CDK17: variants seen among roughly 807,000 people sequenced by gnomAD.
The protein encoded by CDK17 is cyclin dependent kinase 17, also known as cyclin-dependent kinase 17.
CDK17 carries 24 observed loss-of-function variants against 77.6 expected under a neutral mutation model. The ratio of observed to expected loss-of-function variants is 0.31; its 90% CI spans 0.22 to 0.44. The LOEUF is 0.44. Ranked by LOEUF, CDK17 falls within the 20% of genes least tolerant of loss-of-function variation. CDK17 has a pLI of 1.00. For synonymous variants in CDK17, 203 were observed against 210.4 expected (o/e 0.96, Z 0.30); for missense variants, 429 against 622.5 (o/e 0.69, Z 3.31).
intron 1 of CDK17, among the ~76,000 whole-genome samples, chr12:96,344,991 C>T (rs74919242): frequency 0.043 from 6,593 of 152,126 alleles, 494 homozygotes; most frequent in African/African-American, 0.15. Flanking sequence ...TGCCCTCCTC[C>T]GACAGGCCTC....
At chr12:96,292,571 C>G (rs1952339753) in intron 10 of CDK17, among the ~76,000 whole-genome samples, 1 of 152,072 alleles carries the variant, frequency 6.6e-6, no homozygotes, top group African/African-American at 2.4e-5. Flanking sequence ...CACCACTAGA[C>G]TTCAGCCAGG....
At chr12:96,283,994 T>C (rs959018412) in intron 13 of CDK17, among the ~76,000 whole-genome samples, 1 of 152,192 alleles carries the variant, frequency 6.6e-6, no homozygotes, top group Non-Finnish European at 1.5e-5. Flanking sequence ...CGCAAGTATA[T>C]AAGAGCATCA....
chr12:96,292,024 AGAGT>A (rs2137074356), intron 10 of CDK17, among the ~76,000 whole-genome samples: 1 of 152,294 alleles, frequency 6.6e-6, no homozygotes, highest in Admixed American at 6.5e-5. Flanking sequence ...AAAGAGAGAG[AGAGT>A]AACAATTATT....
chr12:96,316,307 G>A (rs541663535), intron 3 of CDK17, among the ~76,000 whole-genome samples: 110 of 152,060 alleles, frequency 7.2e-4, no homozygotes, highest in Admixed American at 3.7e-3. Context: ...AGGGTCCTAC[G>A]CCCACGGAGT....
intron 2 of CDK17, among the ~76,000 whole-genome samples, chr12:96,334,385 T>C (rs1192864786): frequency 2.6e-5 from 4 of 152,294 alleles, no homozygotes; most frequent in Middle Eastern, 3.4e-3. Flanking sequence ...TTAACTTGGG[T>C]TATAAGAATA....
chr12:96,313,517 CTA>C (rs764706326), intron 3 of CDK17, 63 bp from the exon 4 acceptor site: 7 of 952,502 alleles, frequency 7.3e-6, no homozygotes, highest in Non-Finnish European at 1.0e-5. Flanking sequence ...TTTATTATCA[CTA>C]TGGGTAAAAT....
chr12:96,373,859 G>T (rs1294849864), intron 1 of CDK17, among the ~76,000 whole-genome samples: 3 of 152,080 alleles, frequency 2.0e-5, no homozygotes, highest in African/African-American at 7.2e-5. Flanking sequence ...GGTGGAGGTG[G>T]CAGTGAGCCA....
chr12:96,282,868 GA>G (rs553714097), intron 14 of CDK17, among the ~76,000 whole-genome samples: 219 of 152,248 alleles, frequency 1.4e-3, no homozygotes, highest in Non-Finnish European at 2.7e-3. Flanking sequence ...CTGAAGCAAA[GA>G]AAAATTAAAA....
intron 7 of CDK17, 41 bp from the exon 8 acceptor site, chr12:96,297,762 CT>C: frequency 9.0e-7 from 1 of 1,106,334 alleles, no homozygotes; most frequent in Non-Finnish European, 1.4e-6. Context: ...CTGTGGCAGT[CT>C]TTATAAAAAC....
At chr12:96,392,204 G>A (rs1218855828) in intron 1 of CDK17, among the ~76,000 whole-genome samples, 5 of 152,160 alleles carry the variant, frequency 3.3e-5, no homozygotes, top group Non-Finnish European at 7.3e-5. Flanking sequence ...CAAAGATCAC[G>A]TTGGAGAAAG....
chr12:96,280,362 G>A (rs1279930960), intron 16 of CDK17, 83 bp from the exon 17 acceptor site: 39 of 1,522,862 alleles, frequency 2.6e-5, no homozygotes, highest in Non-Finnish European at 3.3e-5. Flanking sequence ...GGAAGCTAAT[G>A]TTCCCACCAG....
At chr12:96,336,284 A>G (rs1953039810) in intron 1 of CDK17, among the ~76,000 whole-genome samples, 1 of 151,966 alleles carries the variant, frequency 6.6e-6, no homozygotes, top group African/African-American at 2.4e-5. Flanking sequence ...AAACAGCGAG[A>G]ATTTGTCTCT....
intron 1 of CDK17, among the ~76,000 whole-genome samples, chr12:96,380,409 T>C (rs555348539): frequency 5.0e-4 from 76 of 150,990 alleles, no homozygotes; most frequent in African/African-American, 1.7e-3. Flanking sequence ...GCCTCCCGAG[T>C]AGCTGGGATT....
chr12:96,303,588 C>T (rs1019650502), intron 5 of CDK17: 1 of 152,056 alleles, frequency 6.6e-6, no homozygotes, highest in Non-Finnish European at 1.5e-5. Flanking sequence ...TCTGATATTT[C>T]ACTGTTCCAA....
At chr12:96,367,635 T>C (rs1275632956) in intron 1 of CDK17, among the ~76,000 whole-genome samples, 1 of 152,070 alleles carries the variant, frequency 6.6e-6, no homozygotes, top group Admixed American at 6.6e-5. Flanking sequence ...TAACTTACAG[T>C]GTTCCATATG....
At chr12:96,297,797 C>T in intron 7 of CDK17, 76 bp from the exon 8 acceptor site, 1 of 789,050 alleles carries the variant, frequency 1.3e-6, no homozygotes, top group South Asian at 1.6e-5. Flanking sequence ...AACATACGAA[C>T]TGATTAAAAG....
intron 3 of CDK17, among the ~76,000 whole-genome samples, chr12:96,317,769 G>C (rs1952752894): frequency 4.1e-5 from 6 of 147,568 alleles, no homozygotes; most frequent in Admixed American, 4.1e-4. Flanking sequence ...GTCACCACCA[G>C]GCCTGCCCTA....
rs554956041 is a variant in CDK17, at chr12:96,289,509, T to G, written c.998-222A>C. Among the ~76,000 whole-genome samples, 9 of 152,328 alleles carry G rather than the reference T, an allele frequency of 5.9e-5. No individual in the cohort carries two copies. In the South Asian group the frequency reaches 1.9e-3, roughly 32 times the overall value. On this transcript the variant is annotated intron_variant, in intron 10 of 16. Transcript: ENST00000261211. The stretch of plus-strand genomic sequence containing the variant: ...AAACAAGAATTCCACAACCAGAGAC[T>G]GTGCTTACTTTTATGTTTGAATACA...
rs141817061 is a variant in CDK17, at chr12:96,352,124, G to C, written c.-29-17259C>G. On this transcript the variant is annotated intron_variant, in intron 1 of 16. Coordinates refer to ENST00000261211, the MANE Select transcript of CDK17 (RefSeq NM_002595.5). Reference sequence around the variant, plus strand: ...TTAACAGACTTTTCAAGGGGAACACGGGGGCAAGATAGATTAAAATCTCAG... The same window carrying C: ...TTAACAGACTTTTCAAGGGGAACACCGGGGCAAGATAGATTAAAATCTCAG... Among the ~76,000 whole-genome samples, 15 of 152,232 alleles carry C rather than the reference G, an allele frequency of 9.9e-5. No homozygotes were observed. In the East Asian group the frequency reaches 2.9e-3, roughly 29 times the overall value.
Sources: allele counts gnomAD v4.1 joint callset (sites outside exome capture counted in the v4.1 genomes callset), GRCh38; gene constraint gnomAD v4.1.1; transcripts MANE v1.5; gene names NCBI Gene and HGNC (gene_info 2026-07-23, HGNC 2026-07-21).